Variants in RASA3 observed in about 807,000 individuals in gnomAD.
RASA3 encodes the protein ras GTPase-activating protein 3.
Under a neutral mutation model 110.0 loss-of-function variants are expected in RASA3, and 73 were observed. The ratio of observed to expected loss-of-function variants is 0.66; its 90% CI spans 0.55 to 0.81. RASA3 has a LOEUF of 0.81. Among genes scored for constraint, RASA3 ranks in the 30% least tolerant of loss-of-function variants. The pLI is 0.00. For missense variants in RASA3, 976 were observed against 1,113.2 expected (o/e 0.88, Z 1.75); for synonymous variants, 500 against 451.4 (o/e 1.11, Z -1.37).
At chr13:113,996,837 T>A in intron 20 of RASA3, 98 bp from the exon 21 acceptor site, 1 of 1,109,946 alleles carries the variant, frequency 9.0e-7, no homozygotes. Context: ...GCCGGAGTCG[T>A]AAGAGGGGAC....
chr13:114,054,649 A>T (rs1221679754), intron 2 of RASA3, among the ~76,000 whole-genome samples: 11 of 152,244 alleles, frequency 7.2e-5, no homozygotes, highest in Admixed American at 7.2e-4. Flanking sequence ...CAATCTTCCA[A>T]GGGAAGCCTA....
chr13:114,062,555 TCCGCACGCAGA>T (rs2079373770), intron 2 of RASA3, among the ~76,000 whole-genome samples: 1 of 132,348 alleles, frequency 7.6e-6, no homozygotes, highest in African/African-American at 3.1e-5. Context: ...ACAGCCCACG[TCCGCACGCAGA>T]CTCGGACACG....
rs59098566 is a variant in RASA3 at position 114,102,495 on chromosome 13, G to T, written c.56-28658C>A. On this transcript the variant is annotated intron_variant, in intron 1 of 23. Transcript: ENST00000334062. ...CTCCCCCAGAGCCTGGTGCAGCTGC[G>T]TGGGACGGGCAGGAGGTGCGAGGGG... Among the ~76,000 whole-genome samples the T allele has an allele frequency of 2.0e-5, 3 of 152,278 alleles. No homozygotes were observed. The South Asian group carries it at 6.2e-4, about 32-fold the overall frequency.
chr13:113,980,420 ACCT>A (rs546631339), intron 23 of RASA3, among the ~76,000 whole-genome samples: 1 of 108,284 alleles, frequency 9.2e-6, no homozygotes, highest in Non-Finnish European at 1.9e-5. Context: ...CCACGTGTTC[ACCT>A]CCTCCGTGTG....
At chr13:114,039,088 C>A (rs1426615859) in intron 4 of RASA3, among the ~76,000 whole-genome samples, 1 of 152,256 alleles carries the variant, frequency 6.6e-6, no homozygotes, top group Non-Finnish European at 1.5e-5. Flanking sequence ...ACGTTGGCAA[C>A]AATCCGATGA....
At chr13:114,129,159 C>T (rs2080487277) in intron 1 of RASA3, among the ~76,000 whole-genome samples, 1 of 152,200 alleles carries the variant, frequency 6.6e-6, no homozygotes, top group African/African-American at 2.4e-5. Flanking sequence ...ATGGAAAGTC[C>T]GAAGCACAGG....
intron 18 of RASA3, among the ~76,000 whole-genome samples, chr13:114,003,666 T>C (rs2053453336): frequency 6.6e-6 from 1 of 152,250 alleles, no homozygotes; most frequent in African/African-American, 2.4e-5. Flanking sequence ...TCTGTGTCCT[T>C]GTACCTTAAC....
Position 114,018,137 on chromosome 13 carries a change from C to T in RASA3, c.1058G>A (p.Ser353Asn). 1 of 1,550,114 alleles carries T rather than the reference C, an allele frequency of 6.5e-7. No homozygotes were observed. Among genetic ancestry groups the T allele is most frequent in the Non-Finnish European group, 8.7e-7 (1 of 1,146,748 alleles). ...LHYGRVVPFISAIASAEVKRT... is the reference protein window; with the variant it reads ...LHYGRVVPFINAIASAEVKRT... Reference sequence around the variant, plus strand: ...CTTCACCTCCGCGCTGGCGATGGCACTGATGAATGGCACCACCCTGCCATA... The same window carrying T: ...CTTCACCTCCGCGCTGGCGATGGCATTGATGAATGGCACCACCCTGCCATA... The change falls in exon 11 of 24, where the codon AGT becomes AAT. Residue 353 changes from serine to asparagine, a missense_variant. By Grantham distance (46) the Ser-to-Asn change is conservative (BLOSUM62 1). This residue lies in a region of RASA3 where 732 missense variants were observed against 779.7 expected (regional missense o/e 0.94). Transcript: ENST00000334062.
chr13:114,056,135 G>A lies in RASA3; in HGVS notation c.174-3980C>T, dbSNP rs563605338. Among the ~76,000 whole-genome samples the A allele has an allele frequency of 6.6e-6, 1 of 152,314 alleles. No individual in the cohort carries two copies. Among genetic ancestry groups the A allele is most frequent in the Non-Finnish European group, 1.5e-5 (1 of 68,018 alleles). On this transcript the variant is annotated intron_variant, in intron 2 of 23. Coordinates refer to ENST00000334062, the MANE Select transcript of RASA3 (RefSeq NM_007368.4). This position sits in a 1 kb window ranked among gnomAD's most constrained non-coding sequence, Gnocchi z 5.7. The stretch of plus-strand genomic sequence containing the variant: ...TGAGGACCCCACCACATGGGCCTGT[G>A]CCTGCCTGGCAGGAAGGCAGGGAGG...
chr13:114,096,402 G>A lies in RASA3; in HGVS notation c.56-22565C>T, dbSNP rs1215447783. On this transcript the variant is annotated intron_variant, in intron 1 of 23. Coordinates refer to ENST00000334062, the MANE Select transcript of RASA3 (RefSeq NM_007368.4). The surrounding 1 kb of genome is among the most constrained non-coding windows in gnomAD (Gnocchi z 5.1). The stretch of plus-strand genomic sequence containing the variant: ...TGGGTGATTCTGCACGCCCGGCTCG[G>A]AACCCTGTGCATTGCCCATCTGTGA... Among the ~76,000 whole-genome samples the A allele has an allele frequency of 6.6e-6, 1 of 152,092 alleles. No homozygotes were observed. The highest frequency in any genetic ancestry group is 1.5e-5 in the Non-Finnish European group (1 of 67,982).
At position 114,082,069 on chromosome 13, in the gene RASA3, G is replaced by T. The variant is rs542014673; in HGVS notation, c.56-8232C>A. Among the ~76,000 whole-genome samples, 117 of 152,356 alleles carry T rather than the reference G, an allele frequency of 7.7e-4. 2 individuals are homozygous for T. The highest frequency in any genetic ancestry group is 1.4e-3 in the Non-Finnish European group (95 of 68,036). On this transcript the variant is annotated intron_variant, in intron 1 of 23. Coordinates refer to ENST00000334062, the MANE Select transcript of RASA3 (RefSeq NM_007368.4). ...CTCCAGGCAGTAAGAACAGACATTC[G>T]TCTTGATTAGAAAGCCTGCAGGTGG... is the stretch of plus-strand genomic sequence containing the variant.
At chr13:114,070,784 G>A (rs1425806531) in intron 2 of RASA3, among the ~76,000 whole-genome samples, 35 of 129,712 alleles carry the variant, frequency 2.7e-4, no homozygotes, top group Non-Finnish European at 4.1e-4. Context: ...CAGGGCTGCC[G>A]GCGTCCACGC....
At chr13:114,123,291 T>C (rs550040096) in intron 1 of RASA3, among the ~76,000 whole-genome samples, 1 of 152,272 alleles carries the variant, frequency 6.6e-6, no homozygotes, top group South Asian at 2.1e-4. Flanking sequence ...GCAAACTAGC[T>C]GCTCCAGCAC....
At position 114,020,054 on chromosome 13, in the gene RASA3, GAGGCATTAGCCCCC is replaced by G. The variant is rs1226745928; in HGVS notation, c.786-1149_786-1136del. ...TGTCAGGTGGGTGGAGCCTGTGTCC[GAGGCATTAGCCCCC>G]CTCAGGTGGGTGGAGCCTGTGTCCG... On this transcript the variant is annotated intron_variant, in intron 9 of 23. Transcript: ENST00000334062. Among the ~76,000 whole-genome samples, 16 of 44,728 alleles carry G rather than the reference GAGGCATTAGCCCCC, an allele frequency of 3.6e-4. 5 individuals carry two copies. The highest frequency in any genetic ancestry group is 1.4e-3 in the East Asian group (2 of 1,446). The allele number at this position is 44,728 out of a possible 152,430, so 29.3% of individuals were successfully genotyped here. A position where few individuals can be genotyped will look rare whatever the true frequency, so the allele number is the denominator to read the frequency against.
intron 1 of RASA3, among the ~76,000 whole-genome samples, chr13:114,117,301 G>A (rs1303140665): frequency 1.8e-5 from 2 of 108,466 alleles, no homozygotes; most frequent in South Asian, 3.3e-4. Context: ...AGGAGAGCAC[G>A]TGTGTGAGGG....
rs181089042 is a variant in RASA3 at position 113,988,812 on chromosome 13, A to G, written c.2245+3673T>C. On this transcript the variant is annotated intron_variant, in intron 22 of 23. Coordinates refer to ENST00000334062, the MANE Select transcript of RASA3 (RefSeq NM_007368.4). ...CTGCCCATCCACCCATCACTCAACCATCTGTTAATCCACCCATCACTCGTC... is the reference window on the plus strand; with the variant it reads ...CTGCCCATCCACCCATCACTCAACCGTCTGTTAATCCACCCATCACTCGTC... Among the ~76,000 whole-genome samples the G allele has an allele frequency of 1.1e-3, 141 of 129,970 alleles. 1 individual carries two copies. Among genetic ancestry groups the G allele is most frequent in the Non-Finnish European group, 2.4e-4 (15 of 62,356 alleles). The allele number at this position is 129,970 out of a possible 152,430, so 85.3% of individuals were successfully genotyped here. A position where few individuals can be genotyped will look rare whatever the true frequency, so the allele number is the denominator to read the frequency against.
At chr13:114,019,793 AGGTGGGTG>A (rs2053879963) in intron 9 of RASA3, among the ~76,000 whole-genome samples, 2 of 135,944 alleles carry the variant, frequency 1.5e-5, no homozygotes, top group Admixed American at 1.4e-4. Context: ...AGCCCCCCTC[AGGTGGGTG>A]GAGCCTGTGT....
chr13:114,005,067 C>T (rs7991389), intron 18 of RASA3, among the ~76,000 whole-genome samples: 2,997 of 152,164 alleles, frequency 0.02, 101 homozygotes, highest in African/African-American at 0.068. Flanking sequence ...GAGATAAACA[C>T]GGAGGGGCGG....
chr13:114,076,878 C>T (rs1324080700), intron 1 of RASA3, among the ~76,000 whole-genome samples: 2 of 152,250 alleles, frequency 1.3e-5, no homozygotes, highest in Non-Finnish European at 2.9e-5. Context: ...GCTGACTTTC[C>T]TTCTGACACC....
Sources: allele counts gnomAD v4.1 joint callset (sites outside exome capture counted in the v4.1 genomes callset), GRCh38; gene constraint gnomAD v4.1.1; regional missense constraint gnomAD v4.1.1; non-coding constraint Gnocchi (gnomAD v3.1); transcripts MANE v1.5; gene names NCBI Gene and HGNC (gene_info 2026-07-23, HGNC 2026-07-21).